Variants in ITGA4 observed in about 807,000 individuals in gnomAD.
ITGA4 encodes integrin alpha-4.
ITGA4 carries 63 observed loss-of-function variants against 133.6 expected under a neutral mutation model. That is an observed-to-expected ratio of 0.47 (90% CI 0.38 to 0.58). The LOEUF is 0.58. Among genes scored for constraint, ITGA4 ranks in the 20% least tolerant of loss-of-function variants. The probability of loss-of-function intolerance (pLI) is 0.00; values close to 1 mark genes in which losing one functional copy is unlikely to be tolerated. For missense variants in ITGA4, 1,076 were observed against 1,252.7 expected, an observed-to-expected ratio of 0.86 and a Z score of 2.13; for synonymous variants, 483 against 438.0, an observed-to-expected ratio of 1.10 and a Z score of -1.28.
chr2:181,509,973 T>A (rs1031774723), intron 16 of ITGA4, 166 bp downstream of exon 16: 47 of 547,588 alleles, frequency 8.6e-5, no homozygotes, highest in South Asian at 1.8e-4. Context: ...ATATTCCCTT[T>A]AGGATATTGA....
chr2:181,473,652 A>G (rs1453246996), intron 2 of ITGA4, among the ~76,000 whole-genome samples: 3 of 152,236 alleles, frequency 2.0e-5, no homozygotes, highest in African/African-American at 4.8e-5. Context: ...CAGGAGACTT[A>G]GTGCAAATAA....
At chr2:181,477,978 A>G (rs189149113) in intron 4 of ITGA4, among the ~76,000 whole-genome samples, 2 of 152,216 alleles carry the variant, frequency 1.3e-5, no homozygotes, top group Non-Finnish European at 2.9e-5. Context: ...TGGATAAGGA[A>G]TTGTGTGAGG....
chr2:181,458,469 C>T (rs1685189409), intron 2 of ITGA4, 152 bp downstream of exon 2: 5 of 815,406 alleles, frequency 6.1e-6, no homozygotes, highest in Non-Finnish European at 9.8e-6. Context: ...ATCTTGCCTC[C>T]TTAATATAAA....
At chr2:181,528,377 C>G (rs375828819) in intron 22 of ITGA4, among the ~76,000 whole-genome samples, 2 of 152,236 alleles carry the variant, frequency 1.3e-5, no homozygotes, top group African/African-American at 4.8e-5. Context: ...AAACAGAAAC[C>G]AAACCGGACT....
chr2:181,464,070 C>A (rs1374496728), intron 2 of ITGA4, among the ~76,000 whole-genome samples: 1 of 151,722 alleles, frequency 6.6e-6, no homozygotes, highest in African/African-American at 2.4e-5. Context: ...GCTTGAGAAC[C>A]GCTGGAGAAG....
At position 181,523,214 on chromosome 2, in the gene ITGA4, A is replaced by G. The variant is rs1449063249; in HGVS notation, c.2074-223A>G. The G allele has an allele frequency of 7.9e-6, 3 of 381,640 alleles. No individual in the cohort carries two copies. Among genetic ancestry groups the G allele is most frequent in the African/African-American group, 6.2e-5 (3 of 48,542 alleles). 23.6% of individuals were successfully genotyped at this position (381,640 alleles called of 1,614,324 possible). On this transcript the variant is annotated intron_variant, in intron 18 of 27. Coordinates refer to ENST00000397033, the MANE Select transcript of ITGA4 (RefSeq NM_000885.6). The surrounding 1 kb of genome is among the most constrained non-coding windows in gnomAD (Gnocchi z 4.2). ...CACATATATATACACACACATATAT[A>G]CACACATATATACATACATATATAT...
Position 181,523,359 on chromosome 2 carries a change from A to G in ITGA4, c.2074-78A>G. 1.2e-6 allele frequency: 1 copy of G among 810,916 alleles called. No homozygotes were observed. The allele number at this position is 810,916 out of a possible 1,614,324, so 50.2% of individuals were successfully genotyped here. ...ATACTTCTGGGATGATATTCTTTTC[A>G]ATAACCATCCTTAAACATATGTTAC... On this transcript the variant is annotated intron_variant, in intron 18 of 27. Coordinates refer to ENST00000397033, the MANE Select transcript of ITGA4 (RefSeq NM_000885.6). The surrounding 1 kb of genome is among the most constrained non-coding windows in gnomAD (Gnocchi z 4.2).
At chr2:181,493,176 A>G (rs999387909) in intron 10 of ITGA4, 149 bp from the exon 11 acceptor site, 7 of 588,888 alleles carry the variant, frequency 1.2e-5, no homozygotes, top group African/African-American at 1.1e-4. Flanking sequence ...TGATGATAGT[A>G]TTTTATTTTT....
chr2:181,517,659 C>T (rs1325521011), intron 17 of ITGA4, among the ~76,000 whole-genome samples: 1 of 152,000 alleles, frequency 6.6e-6, no homozygotes, highest in African/African-American at 2.4e-5. Flanking sequence ...TTTCTGAGAG[C>T]ATCTTGTTAA....
In ITGA4 at chr2:181,525,198, A is replaced by G. The variant is rs202126101; in HGVS notation, c.2250-4A>G. 4 of 1,564,684 alleles carry G rather than the reference A, an allele frequency of 2.6e-6. No individual in the cohort carries two copies. Among genetic ancestry groups the G allele is most frequent in the East Asian group, 4.5e-5 (2 of 44,464 alleles). On this transcript the variant is annotated splice_polypyrimidine_tract_variant and splice_region_variant and intron_variant, in intron 20 of 27. Transcript: ENST00000397033. ...TTCTAACAGGGTGTTTTCTGTTTGT[A>G]TAGTGAAAATGAAGAGGAAATGGAC...
At chr2:181,513,504 A>C (rs1000213075) in intron 17 of ITGA4, among the ~76,000 whole-genome samples, 1 of 152,032 alleles carries the variant, frequency 6.6e-6, no homozygotes, top group Non-Finnish European at 1.5e-5. Context: ...ATGCTTTGCT[A>C]TCTCTACCAC....
intron 4 of ITGA4, among the ~76,000 whole-genome samples, 161 bp downstream of exon 4, chr2:181,475,449 T>C (rs1395174274): frequency 4.6e-5 from 7 of 152,160 alleles, no homozygotes; most frequent in Admixed American, 3.9e-4. Context: ...CCAATTGCAA[T>C]AGCATTATTT....
intron 2 of ITGA4, chr2:181,459,088 T>A (rs181386189): frequency 6.6e-6 from 1 of 152,336 alleles, no homozygotes; most frequent in East Asian, 1.9e-4. Context: ...GTGTTACTGC[T>A]ATATATATTG....
At chr2:181,460,706 AAT>A (rs1685255122) in intron 2 of ITGA4, among the ~76,000 whole-genome samples, 1 of 152,098 alleles carries the variant, frequency 6.6e-6, no homozygotes, top group Non-Finnish European at 1.5e-5. Context: ...ACATTCAAAA[AAT>A]AGTGGTTCTT....
At chr2:181,535,386 G>A (rs1300729934) in intron 27 of ITGA4, 46 bp from the exon 28 acceptor site, 1 of 1,392,090 alleles carries the variant, frequency 7.2e-7, no homozygotes, top group African/African-American at 1.4e-5. Flanking sequence ...GTAGATAAGA[G>A]AGTGTTCATA....
intron 21 of ITGA4, among the ~76,000 whole-genome samples, chr2:181,525,868 A>G (rs1399374902): frequency 6.6e-6 from 1 of 152,138 alleles, no homozygotes; most frequent in Non-Finnish European, 1.5e-5. Context: ...TTCAAGAAGG[A>G]GATGTGTGGA....
In ITGA4 at chr2:181,535,583, T is replaced by C; in HGVS notation, c.*56T>C. 6.5e-7 allele frequency: 1 copy of C among 1,538,110 alleles called. No individual in the cohort carries two copies. The highest frequency in any genetic ancestry group is 8.7e-7 in the Non-Finnish European group (1 of 1,145,922). On this transcript the variant is annotated 3_prime_UTR_variant, in exon 28 of 28. Coordinates refer to ENST00000397033, the MANE Select transcript of ITGA4 (RefSeq NM_000885.6). ...CAGACTCAGGTTGTAGTAAAGAAATTTAAAAGACACTGTTTACAAGAAAAA... is the reference window on the plus strand; with the variant it reads ...CAGACTCAGGTTGTAGTAAAGAAATCTAAAAGACACTGTTTACAAGAAAAA...
chr2:181,534,834 C>T lies in ITGA4; in HGVS notation c.2902C>T (p.His968Tyr). 6.3e-7 allele frequency: 1 copy of T among 1,595,602 alleles called. No individual in the cohort carries two copies. The highest frequency in any genetic ancestry group is 8.5e-7 in the Non-Finnish European group (1 of 1,174,508). ...NVAHVLLEGL[H>Y]HQRPKRYFTI... ...CACGTAGGTTCTACTGGAAGGACTACATCATCAAAGACCCAAACGTTATTT... is the reference window on the plus strand; with the variant it reads ...CACGTAGGTTCTACTGGAAGGACTATATCATCAAAGACCCAAACGTTATTT... The change falls in exon 27 of 28, where the codon CAT (histidine) becomes TAT (tyrosine). Residue 968 changes from histidine (H) to tyrosine (Y), a missense_variant. His to Tyr is a moderately conservative substitution (Grantham distance 83). Transcript: ENST00000397033.
chr2:181,466,437 TAAAA>T (rs1226060126), intron 2 of ITGA4, among the ~76,000 whole-genome samples: 2 of 152,080 alleles, frequency 1.3e-5, no homozygotes, highest in African/African-American at 4.8e-5. Flanking sequence ...CACATTTTTT[TAAAA>T]AAACATACTT....
Sources: allele counts gnomAD v4.1 joint callset (sites outside exome capture counted in the v4.1 genomes callset), GRCh38; gene constraint gnomAD v4.1.1; non-coding constraint Gnocchi (gnomAD v3.1); transcripts MANE v1.5; gene names NCBI Gene and HGNC (gene_info 2026-07-23, HGNC 2026-07-21).